Variants in CTCFL observed in about 807,000 individuals in gnomAD.
CTCFL encodes transcriptional repressor CTCFL.
Under a neutral mutation model 67.4 loss-of-function variants are expected in CTCFL, and 36 were observed. That is an observed-to-expected ratio of 0.53 (90% CI 0.41 to 0.71). CTCFL has a LOEUF of 0.71. Ranked by LOEUF, CTCFL falls within the 30% of genes least tolerant of loss-of-function variation. The pLI is 0.00. For synonymous variants in CTCFL, 324 were observed against 302.3 expected (o/e 1.07, Z -0.75); for missense variants, 786 against 835.2 (o/e 0.94, Z 0.73).
chr20:57,515,002 G>C, intron 6 of CTCFL: 1 of 472,328 alleles, frequency 2.1e-6, no homozygotes, highest in East Asian at 3.3e-5. Flanking sequence ...ACATCCATGG[G>C]GCTGTACGAA....
At chr20:57,524,465 G>T in intron 1 of CTCFL, 1 of 1,303,886 alleles carries the variant, frequency 7.7e-7, no homozygotes, top group Non-Finnish European at 9.8e-7. Flanking sequence ...TTGGGCCTCA[G>T]CAGGCTTAGG....
At chr20:57,513,286 T>G (rs1219925544) in intron 7 of CTCFL, 1 of 985,872 alleles carries the variant, frequency 1.0e-6, no homozygotes, top group Non-Finnish European at 1.2e-6. Context: ...ATTTCCTATG[T>G]TGAAATTAAC....
chr20:57,507,636 C>A, intron 9 of CTCFL: 1 of 703,032 alleles, frequency 1.4e-6, no homozygotes, highest in Non-Finnish European at 2.6e-6. Flanking sequence ...CCGGTGCCAG[C>A]AGTTGTGTGG....
chr20:57,519,768 G>A (rs11699453), intron 3 of CTCFL, among the ~76,000 whole-genome samples: 36,965 of 152,102 alleles, frequency 0.24, 5,849 homozygotes, highest in Non-Finnish European at 0.33. Context: ...ATTCTCTGTA[G>A]GGTGAACTAA....
chr20:57,498,589 G>A lies in CTCFL; in HGVS notation c.1953C>T (p.Gly651=), dbSNP rs111292204. The change falls in exon 11 of 11, where the codon GGC becomes GGT. Residue 651 remains glycine (G), a synonymous_variant. Transcript: ENST00000243914. ...TGTTGAGGAGCATTTCACAGGTCAC[G>A]CCTTCATCCACTTCCTCTTTGACTC... ...TARVKEEVDE[G]VTCEMLLNTM... 1.5e-5 allele frequency: 24 copies of A among 1,614,006 alleles called. No individual in the cohort carries two copies. The highest frequency in any genetic ancestry group is 2.2e-5 in the East Asian group (1 of 44,870).
At chr20:57,508,525 A>T in intron 9 of CTCFL, 81 bp downstream of exon 9, 1 of 1,389,344 alleles carries the variant, frequency 7.2e-7, no homozygotes, top group Non-Finnish European at 1.0e-6. Flanking sequence ...AATCGGGTTT[A>T]AACTCTCCTG....
intron 5 of CTCFL, among the ~76,000 whole-genome samples, chr20:57,516,078 G>A (rs532681560): frequency 6.6e-6 from 1 of 152,292 alleles, no homozygotes; most frequent in Non-Finnish European, 1.5e-5. Context: ...GCAGTTCTGA[G>A]AGACTTTCGC....
Position 57,523,974 on chromosome 20 carries a change from A to C in CTCFL, c.232T>G (p.Tyr78Asp). Residue 78 changes from tyrosine (Y) to aspartate (D), a missense_variant, in exon 2 of 11, where the codon TAC becomes GAC. Coordinates refer to ENST00000243914, the MANE Select transcript of CTCFL (RefSeq NM_001386993.1). ...TGCACCGTCTGCAGGGTCAGGATGT[A>C]CTTCTCGCTCTCCTCCGAGGGGGCC... is the stretch of plus-strand genomic sequence containing the variant. ...VLAPSEESEK[Y>D]ILTLQTVHFT... 1 of 1,613,118 alleles carries C rather than the reference A, an allele frequency of 6.2e-7. No homozygotes were observed. The highest frequency in any genetic ancestry group is 2.2e-5 in the East Asian group (1 of 44,874).
In CTCFL at chr20:57,497,900, A is replaced by C; in HGVS notation, c.*650T>G. The C allele has an allele frequency of 1.0e-6, 1 of 962,006 alleles. No individual in the cohort carries two copies. Among genetic ancestry groups the C allele is most frequent in the South Asian group, 4.8e-5 (1 of 20,830 alleles). The allele number at this position is 962,006 out of a possible 1,614,324, so 59.6% of individuals were successfully genotyped here. ...TCCTATACCAAAGTAAAATCGATTT[A>C]TTCCTTATTTTCTAGTCTAATCTAG... is the stretch of plus-strand genomic sequence containing the variant. On this transcript the variant is annotated 3_prime_UTR_variant, in exon 11 of 11. Transcript: ENST00000243914.
intron 8 of CTCFL, among the ~76,000 whole-genome samples, chr20:57,511,421 T>C (rs1019027247): frequency 6.6e-6 from 1 of 152,126 alleles, no homozygotes; most frequent in African/African-American, 2.4e-5. Context: ...CATTATAACC[T>C]CTTGGTCTAT....
rs2068636677 is a variant in CTCFL, at chr20:57,512,640, C to G, written c.1443G>C (p.Lys481Asn). The G allele has an allele frequency of 1.2e-6, 2 of 1,614,126 alleles. No individual in the cohort carries two copies. The highest frequency in any genetic ancestry group is 1.3e-5 in the African/African-American group (1 of 74,934). ...GTTTGCACTTGAACCTCTTCTCATT[C>G]TTATGAGTTTTCTGGTGCTGAATGA... ...YALIQHQKTH[K>N]NEKRFKCKHC... is the part of the protein sequence containing the mutation. The change falls in exon 8 of 11, where the codon AAG becomes AAC. Residue 481 changes from lysine to asparagine, a missense_variant. Physicochemically the swap from Lys to Asn is moderately conservative, Grantham distance 94. Coordinates refer to ENST00000243914, the MANE Select transcript of CTCFL (RefSeq NM_001386993.1).
chr20:57,523,378 G>A (rs2069543302), intron 2 of CTCFL, 100 bp from the exon 3 acceptor site: 1 of 1,161,552 alleles, frequency 8.6e-7, no homozygotes, highest in African/African-American at 1.6e-5. Flanking sequence ...AGCCAAAGTG[G>A]AAGATTATGC....
intron 9 of CTCFL, among the ~76,000 whole-genome samples, chr20:57,504,541 C>CA (rs1283334982): frequency 1.3e-5 from 2 of 151,800 alleles, no homozygotes; most frequent in African/African-American, 4.8e-5. Flanking sequence ...CTTGGCCTCC[C>CA]AAAGTGCTGA....
chr20:57,524,571 A>G (rs1393694826), intron 1 of CTCFL: 13 of 1,047,094 alleles, frequency 1.2e-5, no homozygotes, highest in Non-Finnish European at 1.3e-5. Context: ...GAGCCGGTTC[A>G]GTCAGTGAAC....
chr20:57,504,335 A>G (rs1427506672), intron 9 of CTCFL, among the ~76,000 whole-genome samples: 1 of 149,096 alleles, frequency 6.7e-6, no homozygotes, highest in Non-Finnish European at 1.5e-5. Context: ...GCTGGAGTGC[A>G]GTGGCATGGT....
chr20:57,496,297 A>G, downstream of CTCFL: 1 of 694,460 alleles, frequency 1.4e-6, no homozygotes, highest in Non-Finnish European at 2.6e-6. Flanking sequence ...CCTTGATTGT[A>G]AGTTTCCTGA....
At position 57,503,612 on chromosome 20, in the gene CTCFL, A is replaced by G; in HGVS notation, c.1675-11T>C. On this transcript the variant is annotated splice_polypyrimidine_tract_variant and intron_variant, in intron 9 of 10. Coordinates refer to ENST00000243914, the MANE Select transcript of CTCFL (RefSeq NM_001386993.1). ...TCTGTGCAGGTTAATCTGTCGGAGA[A>G]TTGACACAGAACACACAAGGCGAGT... is the stretch of plus-strand genomic sequence containing the variant. 1 of 1,613,964 alleles carries G rather than the reference A, an allele frequency of 6.2e-7. No homozygotes were observed. The highest frequency in any genetic ancestry group is 8.5e-7 in the Non-Finnish European group (1 of 1,179,892).
chr20:57,504,893 G>C (rs1336440908), intron 9 of CTCFL, among the ~76,000 whole-genome samples: 2 of 151,792 alleles, frequency 1.3e-5, no homozygotes, highest in South Asian at 2.1e-4. Flanking sequence ...GCCCTTTTAG[G>C]GCAAGGTATC....
intron 9 of CTCFL, among the ~76,000 whole-genome samples, chr20:57,503,994 A>G (rs2068051749): frequency 6.6e-6 from 1 of 151,832 alleles, no homozygotes; most frequent in East Asian, 1.9e-4. Flanking sequence ...AGGAAGCTAC[A>G]CTCAGGATGT....
Sources: gnomAD v4.1 joint callset for allele counts (sites outside exome capture counted in the v4.1 genomes callset) on GRCh38, gnomAD v4.1.1 for gene constraint, MANE v1.5 for transcripts, NCBI Gene and HGNC (gene_info 2026-07-23, HGNC 2026-07-21) for gene names.